The following GALNT17 variants were observed in gnomAD, a reference collection of about 807,000 sequenced individuals.
The protein encoded by GALNT17 is UDP-GalNAc:polypeptide N-acetylgalactosaminyltransferase-like 3.
In GALNT17, 29 loss-of-function variants were observed where a neutral mutation model predicts 63.7. That is an observed-to-expected ratio of 0.46 (90% CI 0.34 to 0.62). GALNT17 has a LOEUF of 0.62. Ranked by LOEUF, GALNT17 falls within the 20% of genes least tolerant of loss-of-function variation. The probability of loss-of-function intolerance (pLI) is 0.01; values close to 1 mark genes in which losing one functional copy is unlikely to be tolerated. For synonymous variants in GALNT17, 305 were observed against 318.3 expected, an observed-to-expected ratio of 0.96 and a Z score of 0.45; for missense variants, 603 against 799.6, an observed-to-expected ratio of 0.75 and a Z score of 2.97.
At chr7:71,286,921 G>T (rs1344594701) in intron 1 of GALNT17, among the ~76,000 whole-genome samples, 1 of 151,800 alleles carries the variant, frequency 6.6e-6, no homozygotes, top group African/African-American at 2.4e-5. Context: ...CTACTGAGTA[G>T]CTGGGACTAC....
At chr7:71,250,188 C>G (rs925880974) in intron 1 of GALNT17, among the ~76,000 whole-genome samples, 1 of 151,986 alleles carries the variant, frequency 6.6e-6, no homozygotes, top group Non-Finnish European at 1.5e-5. Context: ...TCATCTTTAC[C>G]TTGAGGTAAC....
chr7:71,516,218 A>C (rs1215285869), intron 5 of GALNT17, among the ~76,000 whole-genome samples: 1 of 152,098 alleles, frequency 6.6e-6, no homozygotes, highest in East Asian at 1.9e-4. Context: ...TAAGTAACCT[A>C]TCTTGCAGCT....
chr7:71,600,115 A>G (rs1448060705), intron 6 of GALNT17, among the ~76,000 whole-genome samples: 3 of 152,022 alleles, frequency 2.0e-5, no homozygotes, highest in Non-Finnish European at 4.4e-5. Context: ...GAGATAGAAC[A>G]TTAGTTTTGG....
At chr7:71,410,717 C>T (rs909830153) in intron 3 of GALNT17, among the ~76,000 whole-genome samples, 3 of 152,148 alleles carry the variant, frequency 2.0e-5, no homozygotes, top group Non-Finnish European at 4.4e-5. Flanking sequence ...TAGTTCTTAC[C>T]GTTTTGTAGC....
intron 1 of GALNT17, among the ~76,000 whole-genome samples, chr7:71,197,048 A>T (rs1042711564): frequency 6.6e-6 from 1 of 152,116 alleles, no homozygotes; most frequent in Admixed American, 6.5e-5. Context: ...TCAGACATGC[A>T]GTGTGTAACA....
intron 1 of GALNT17, among the ~76,000 whole-genome samples, chr7:71,245,880 C>T (rs1307614522): frequency 7.8e-6 from 1 of 128,844 alleles, no homozygotes; most frequent in Non-Finnish European, 1.7e-5. Context: ...GGTATCTTTG[C>T]ACTCCTACCC....
At chr7:71,188,195 G>A (rs1423381552) in intron 1 of GALNT17, among the ~76,000 whole-genome samples, 1 of 152,204 alleles carries the variant, frequency 6.6e-6, no homozygotes, top group Non-Finnish European at 1.5e-5. Flanking sequence ...AAACGTGTGT[G>A]CAAGTATCTT....
chr7:71,262,679 CTTT>C (rs756742343), intron 1 of GALNT17, among the ~76,000 whole-genome samples: 6 of 124,644 alleles, frequency 4.8e-5, no homozygotes, highest in African/African-American at 2.9e-5. Flanking sequence ...TTTTTACTTT[CTTT>C]TTTTTTTTTT....
chr7:71,189,669 C>T (rs942027121), intron 1 of GALNT17, among the ~76,000 whole-genome samples: 3 of 151,890 alleles, frequency 2.0e-5, no homozygotes, highest in Non-Finnish European at 2.9e-5. Flanking sequence ...GGGCTGTCTT[C>T]GGTGGAGGTT....
At chr7:71,650,269 G>A (rs533830667) in intron 6 of GALNT17, among the ~76,000 whole-genome samples, 25 of 152,178 alleles carry the variant, frequency 1.6e-4, no homozygotes, top group Non-Finnish European at 3.1e-4. Flanking sequence ...ATTTTGAGAT[G>A]GAGTCTCACT....
chr7:71,308,854 T>A (rs938348884), intron 1 of GALNT17, among the ~76,000 whole-genome samples: 11 of 151,846 alleles, frequency 7.2e-5, no homozygotes, highest in Non-Finnish European at 1.6e-4. Context: ...ACGGATTTCT[T>A]ATGGCTCAGC....
At chr7:71,309,732 G>A (rs1791379362) in intron 1 of GALNT17, among the ~76,000 whole-genome samples, 1 of 152,190 alleles carries the variant, frequency 6.6e-6, no homozygotes, top group Non-Finnish European at 1.5e-5. Context: ...GAGTGGGGAT[G>A]AATTTGGGGT....
intron 1 of GALNT17, among the ~76,000 whole-genome samples, chr7:71,232,708 G>A (rs552778230): frequency 1.3e-5 from 2 of 152,226 alleles, no homozygotes; most frequent in Admixed American, 6.5e-5. Flanking sequence ...GAGTGCAGCC[G>A]CTCAGGGTCC....
intron 1 of GALNT17, among the ~76,000 whole-genome samples, chr7:71,253,239 C>A (rs570953635): frequency 2.6e-5 from 4 of 152,158 alleles, no homozygotes; most frequent in African/African-American, 9.7e-5. Flanking sequence ...ACTCACAGTT[C>A]CCCGTGGCTG....
intron 5 of GALNT17, among the ~76,000 whole-genome samples, chr7:71,524,132 G>A (rs937384253): frequency 6.6e-6 from 1 of 150,498 alleles, no homozygotes; most frequent in African/African-American, 2.4e-5. Context: ...AAAAGAAAAA[G>A]AAAGAAACTC....
At chr7:71,433,988 T>C (rs957086445) in intron 5 of GALNT17, among the ~76,000 whole-genome samples, 3 of 152,308 alleles carry the variant, frequency 2.0e-5, no homozygotes, top group Non-Finnish European at 4.4e-5. Flanking sequence ...CTGAGTCTTC[T>C]GGCCTCCATC....
intron 1 of GALNT17, among the ~76,000 whole-genome samples, chr7:71,215,275 C>T (rs1375855644): frequency 6.6e-6 from 1 of 152,122 alleles, no homozygotes; most frequent in African/African-American, 2.4e-5. Context: ...TGAATTTTCA[C>T]TGATCCTTTT....
At chr7:71,393,670 G>A (rs1334963113) in intron 3 of GALNT17, among the ~76,000 whole-genome samples, 1 of 152,048 alleles carries the variant, frequency 6.6e-6, no homozygotes, top group Non-Finnish European at 1.5e-5. Flanking sequence ...GTACAAAGCC[G>A]GGGCACTCTG....
chr7:71,368,403 A>T (rs1279084378), intron 2 of GALNT17, among the ~76,000 whole-genome samples: 1 of 151,520 alleles, frequency 6.6e-6, no homozygotes, highest in Non-Finnish European at 1.5e-5. Flanking sequence ...CATGCTATTC[A>T]TTTTTTTCCT....
Sources: allele counts gnomAD v4.1 joint callset (sites outside exome capture counted in the v4.1 genomes callset), GRCh38; gene constraint gnomAD v4.1.1; transcripts MANE v1.5; gene names NCBI Gene and HGNC (gene_info 2026-07-23, HGNC 2026-07-21).